HSPA12B: variants seen among roughly 807,000 people sequenced by gnomAD.
The protein encoded by HSPA12B is heat shock 70 kDa protein 12B.
Under a neutral mutation model 69.3 loss-of-function variants are expected in HSPA12B, and 54 were observed. The observed-to-expected ratio is 0.78, with a 90% CI of 0.63 to 0.98. HSPA12B has a LOEUF of 0.98. Ranked by LOEUF, HSPA12B falls within the 50% of genes least tolerant of loss-of-function variation. The pLI is 0.00. For missense variants in HSPA12B, 929 were observed against 999.8 expected (o/e 0.93, Z 0.96); for synonymous variants, 441 against 436.5 (o/e 1.01, Z -0.13).
At position 3,749,207 on chromosome 20, in the gene HSPA12B, C is replaced by G; in HGVS notation, c.851-25C>G. On this transcript the variant is annotated intron_variant, in intron 8 of 12. Transcript: ENST00000254963. This position sits in a 1 kb window ranked among gnomAD's most constrained non-coding sequence, Gnocchi z 5.5. Reference sequence around the variant, plus strand: ...GCTGGAGCACCTCCTTCTAATCTCACTCCCTGCTGTCTCCTGACCCCCAGC... The same window carrying G: ...GCTGGAGCACCTCCTTCTAATCTCAGTCCCTGCTGTCTCCTGACCCCCAGC... 1 of 1,603,232 alleles carries G rather than the reference C, an allele frequency of 6.2e-7. No individual in the cohort carries two copies. The highest frequency in any genetic ancestry group is 8.5e-7 in the Non-Finnish European group (1 of 1,173,462).
In HSPA12B at chr20:3,749,949, C is replaced by T; in HGVS notation, c.1043-20C>T. On this transcript the variant is annotated intron_variant, in intron 10 of 12. Coordinates refer to ENST00000254963, the MANE Select transcript of HSPA12B (RefSeq NM_052970.5). The surrounding 1 kb of genome is among the most constrained non-coding windows in gnomAD (Gnocchi z 5.5). ...GCCCGGCGAGCGCTGACGCCCTCTTCGCCCCCTGCTCCACCCCAGGGGGCC... is the reference window on the plus strand; with the variant it reads ...GCCCGGCGAGCGCTGACGCCCTCTTTGCCCCCTGCTCCACCCCAGGGGGCC... 3.9e-6 allele frequency: 6 copies of T among 1,550,442 alleles called. No individual in the cohort carries two copies. Among genetic ancestry groups the T allele is most frequent in the Non-Finnish European group, 5.2e-6 (6 of 1,144,936 alleles).
At chr20:3,751,322 G>A (rs1185020366) in intron 12 of HSPA12B, 189 bp from the exon 13 acceptor site, 1 of 985,356 alleles carries the variant, frequency 1.0e-6, no homozygotes, top group Non-Finnish European at 1.2e-6. Context: ...TGTTGGGGAG[G>A]CGAAGCCCTC....
intron 4 of HSPA12B, 137 bp downstream of exon 4, chr20:3,742,545 G>A: frequency 4.6e-6 from 3 of 650,508 alleles, no homozygotes; most frequent in Non-Finnish European, 2.6e-6. Flanking sequence ...CCCCACTGGG[G>A]TAAAAGTTGG....
Position 3,737,364 on chromosome 20 carries a change from G to A in HSPA12B, c.-17-1294G>A, listed in dbSNP as rs1329283495. On this transcript the variant is annotated intron_variant, in intron 1 of 12. Transcript: ENST00000254963. This position sits in a 1 kb window ranked among gnomAD's most constrained non-coding sequence, Gnocchi z 4.1. Reference sequence around the variant, plus strand: ...CGCCCTCCAACTACTGCCCTCACATGTATTCCTGATTTCAGCCAAGCTTTT... The same window carrying A: ...CGCCCTCCAACTACTGCCCTCACATATATTCCTGATTTCAGCCAAGCTTTT... 6.6e-6 allele frequency among the ~76,000 whole-genome samples: 1 copy of A among 152,016 alleles called. No homozygotes were observed. Among genetic ancestry groups the A allele is most frequent in the East Asian group, 1.9e-4 (1 of 5,168 alleles).
At chr20:3,751,371 G>A in intron 12 of HSPA12B, 140 bp from the exon 13 acceptor site, 1 of 1,344,192 alleles carries the variant, frequency 7.4e-7, no homozygotes, top group Non-Finnish European at 9.5e-7. Flanking sequence ...TGCTCAAATG[G>A]CTACTTTCTA....
At position 3,749,632 on chromosome 20, in the gene HSPA12B, A is replaced by C; in HGVS notation, c.938-118A>C. On this transcript the variant is annotated intron_variant, in intron 9 of 12. Coordinates refer to ENST00000254963, the MANE Select transcript of HSPA12B (RefSeq NM_052970.5). The surrounding 1 kb of genome is among the most constrained non-coding windows in gnomAD (Gnocchi z 5.5). ...TGAAGCCCCTCACGTCCCTCCCCCG[A>C]CCCTGCAGACAGGCCTTGGGACCCG... The C allele has an allele frequency of 1.4e-6, 1 of 735,100 alleles. No homozygotes were observed. The highest frequency in any genetic ancestry group is 3.9e-4 in the Middle Eastern group (1 of 2,596). The allele number at this position is 735,100 out of a possible 1,614,324, so 45.5% of individuals were successfully genotyped here. A position where few individuals can be genotyped will look rare whatever the true frequency, so the allele number is the denominator to read the frequency against.
rs1296389541 is a variant in HSPA12B, at chr20:3,745,512, A to T, written c.473A>T (p.Gln158Leu). 1 of 1,614,150 alleles carries T rather than the reference A, an allele frequency of 6.2e-7. No homozygotes were observed. Among genetic ancestry groups the T allele is most frequent in the Non-Finnish European group, 8.5e-7 (1 of 1,180,002 alleles). The change falls in exon 6 of 13, where the codon CAG (glutamine) becomes CTG (leucine). Residue 158 changes from glutamine (Q) to leucine (L), a missense_variant. Gln to Leu is a moderately radical substitution (Grantham distance 113). Transcript: ENST00000254963. The surrounding 1 kb of genome is among the most constrained non-coding windows in gnomAD (Gnocchi z 5.6). ...HSATDLTLKT[Q>L]LEAVNGKTMP... is the part of the protein sequence containing the mutation. ...TGCCAGGATCTCACCTTGAAGACCC[A>T]GCTAGAGGCAGTAAATGGAAAGACG...
chr20:3,744,870 A>C lies in HSPA12B; in HGVS notation c.267-32A>C. On this transcript the variant is annotated intron_variant, in intron 4 of 12. Transcript: ENST00000254963. This position sits in a 1 kb window ranked among gnomAD's most constrained non-coding sequence, Gnocchi z 4.9. The stretch of plus-strand genomic sequence containing the variant: ...TGCCTGGATTCCCACCCAAGAAGGG[A>C]GGGTTGCACTGACTGCCCTGTGCCT... The C allele has an allele frequency of 1.9e-6, 3 of 1,593,294 alleles. No homozygotes were observed. The highest frequency in any genetic ancestry group is 2.6e-6 in the Non-Finnish European group (3 of 1,168,842).
In HSPA12B at chr20:3,745,522, A is replaced by T; in HGVS notation, c.483A>T (p.Ala161=). 6.2e-7 allele frequency: 1 copy of T among 1,614,180 alleles called. No individual in the cohort carries two copies. The highest frequency in any genetic ancestry group is 8.5e-7 in the Non-Finnish European group (1 of 1,180,022). ...TDLTLKTQLE[A]VNGKTMPALE... ...TCACCTTGAAGACCCAGCTAGAGGC[A>T]GTAAATGGAAAGACGATGCCCGCCC... Residue 161 remains alanine, a synonymous_variant, in exon 6 of 13, where the codon GCA becomes GCT. Transcript: ENST00000254963. The surrounding 1 kb of genome is among the most constrained non-coding windows in gnomAD (Gnocchi z 5.6).
Position 3,750,828 on chromosome 20 carries a change from A to T in HSPA12B, c.1326A>T (p.Ser442=), listed in dbSNP as rs1444395812. 4 of 1,613,832 alleles carry T rather than the reference A, an allele frequency of 2.5e-6. No homozygotes were observed. The highest frequency in any genetic ancestry group is 1.3e-5 in the African/African-American group (1 of 74,944). ...GCGTGAACTTCGTGAAGTGGTCCTCACAGGGGATGCTCCGAATGTCTTGTG... is the reference window on the plus strand; with the variant it reads ...GCGTGAACTTCGTGAAGTGGTCCTCTCAGGGGATGCTCCGAATGTCTTGTG... ...RSSVNFVKWS[S]QGMLRMSCEA... is the part of the protein sequence containing the mutation. Residue 442 remains serine (S), a synonymous_variant, in exon 12 of 13, where the codon TCA becomes TCT. Coordinates refer to ENST00000254963, the MANE Select transcript of HSPA12B (RefSeq NM_052970.5).
chr20:3,742,139 C>A, intron 3 of HSPA12B, 145 bp from the exon 4 acceptor site: 1 of 1,198,178 alleles, frequency 8.3e-7, no homozygotes, highest in Non-Finnish European at 1.1e-6. Context: ...AGCAGGTGGG[C>A]AGGTGGGGTG....
chr20:3,740,701 C>T lies in HSPA12B; in HGVS notation c.44-114C>T. 2 of 783,132 alleles carry T rather than the reference C, an allele frequency of 2.6e-6. No individual in the cohort carries two copies. The highest frequency in any genetic ancestry group is 4.4e-6 in the Non-Finnish European group (2 of 458,416). The allele number at this position is 783,132 out of a possible 1,614,324, so 48.5% of individuals were successfully genotyped here. On this transcript the variant is annotated intron_variant, in intron 2 of 12. Transcript: ENST00000254963. This position sits in a 1 kb window ranked among gnomAD's most constrained non-coding sequence, Gnocchi z 4.9. The stretch of plus-strand genomic sequence containing the variant: ...GCAGTCCTCCTCCCCAGCAGAGAGC[C>T]CTTTGCCTTAGCCCAGCAAGGACTG...
At chr20:3,735,733 T>A (rs2146551320) in intron 1 of HSPA12B, among the ~76,000 whole-genome samples, 2 of 152,326 alleles carry the variant, frequency 1.3e-5, no homozygotes, top group Middle Eastern at 6.8e-3. Flanking sequence ...CTGAAAGTGC[T>A]GGGATTACAG....
Position 3,732,732 on chromosome 20 carries a change from C to T in HSPA12B, c.-80C>T, listed in dbSNP as rs933856105. ...CTGCGGCCGCCGCAGCGGGCACGGC[C>T]AACGAGCTGCGGGCCCGGGATCGCG... On this transcript the variant is annotated 5_prime_UTR_variant, in exon 1 of 13. Coordinates refer to ENST00000254963, the MANE Select transcript of HSPA12B (RefSeq NM_052970.5). 2.6e-5 allele frequency: 4 copies of T among 151,764 alleles called. No homozygotes were observed. Among genetic ancestry groups the T allele is most frequent in the African/African-American group, 9.7e-5 (4 of 41,280 alleles). The allele number at this position is 151,764 out of a possible 1,614,324, so 9.4% of individuals were successfully genotyped here.
Position 3,749,538 on chromosome 20 carries a change from G to T in HSPA12B, c.938-212G>T, listed in dbSNP as rs537028473. Among the ~76,000 whole-genome samples the T allele has an allele frequency of 6.6e-6, 1 of 152,260 alleles. No homozygotes were observed. Among genetic ancestry groups the T allele is most frequent in the East Asian group, 1.9e-4 (1 of 5,168 alleles). ...TCTCCGCGGACGCTCGGGTGGAGTT[G>T]CAGAGCCTCTGGAACCATTTCTGCC... is the stretch of plus-strand genomic sequence containing the variant. On this transcript the variant is annotated intron_variant, in intron 9 of 12. Coordinates refer to ENST00000254963, the MANE Select transcript of HSPA12B (RefSeq NM_052970.5). This position sits in a 1 kb window ranked among gnomAD's most constrained non-coding sequence, Gnocchi z 5.5.
At chr20:3,734,169 A>G (rs1040008260) in intron 1 of HSPA12B, among the ~76,000 whole-genome samples, 1 of 152,172 alleles carries the variant, frequency 6.6e-6, no homozygotes, top group Non-Finnish European at 1.5e-5. Context: ...CCCTGTCTCA[A>G]AAAAAGGAGC....
chr20:3,739,107 CAGTG>C (rs1176739430), intron 2 of HSPA12B, among the ~76,000 whole-genome samples: 1 of 152,112 alleles, frequency 6.6e-6, no homozygotes, highest in African/African-American at 2.4e-5. Context: ...GTGAGTGTGT[CAGTG>C]AGTGTGTGTC....
At position 3,732,733 on chromosome 20, in the gene HSPA12B, A is replaced by T. The variant is rs1198359579; in HGVS notation, c.-79A>T. The T allele has an allele frequency of 6.6e-6, 1 of 151,896 alleles. No individual in the cohort carries two copies. Among genetic ancestry groups the T allele is most frequent in the Non-Finnish European group, 1.5e-5 (1 of 67,866 alleles). 9.4% of individuals were successfully genotyped at this position (151,896 alleles called of 1,614,324 possible). A position where few individuals can be genotyped will look rare whatever the true frequency, so the allele number is the denominator to read the frequency against. On this transcript the variant is annotated 5_prime_UTR_variant, in exon 1 of 13. Transcript: ENST00000254963. Reference sequence around the variant, plus strand: ...TGCGGCCGCCGCAGCGGGCACGGCCAACGAGCTGCGGGCCCGGGATCGCGG... The same window carrying T: ...TGCGGCCGCCGCAGCGGGCACGGCCTACGAGCTGCGGGCCCGGGATCGCGG...
intron 11 of HSPA12B, 152 bp downstream of exon 11, chr20:3,750,379 G>C (rs1229808904): frequency 2.3e-6 from 2 of 888,160 alleles, no homozygotes; most frequent in Non-Finnish European, 3.3e-6. Flanking sequence ...GGGCGGCGGG[G>C]AGCGGCGAGT....
Sources: allele counts gnomAD v4.1 joint callset (sites outside exome capture counted in the v4.1 genomes callset), GRCh38; gene constraint gnomAD v4.1.1; non-coding constraint Gnocchi (gnomAD v3.1); transcripts MANE v1.5; gene names NCBI Gene and HGNC (gene_info 2026-07-23, HGNC 2026-07-21).